PHF24: variants seen among roughly 807,000 people sequenced by gnomAD.
The protein encoded by PHF24 is Galpha inhibitory interacting protein.
PHF24 carries 25 observed loss-of-function variants against 42.6 expected under a neutral mutation model. The ratio of observed to expected loss-of-function variants is 0.59; its 90% CI spans 0.43 to 0.82. The LOEUF (loss-of-function observed/expected upper bound fraction) is 0.82, where lower values mean the gene tolerates loss of function less well. Ranked by LOEUF, PHF24 falls within the 40% of genes least tolerant of loss-of-function variation. The probability of loss-of-function intolerance (pLI) is 0.00; values close to 1 mark genes in which losing one functional copy is unlikely to be tolerated. For synonymous variants in PHF24, 185 were observed against 204.8 expected (o/e 0.90, Z 0.83); for missense variants, 470 against 538.1 (o/e 0.87, Z 1.25).
chr9:34,971,640 C>A (rs1826992286), exon 2 of PHF24: 1 of 1,613,392 alleles, frequency 6.2e-7, no homozygotes, highest in African/African-American at 1.3e-5. Flanking sequence ...TGGATGATGA[C>A]AAACCTCCAG....
At chr9:34,890,089 C>A in the PHF24 span, among the ~76,000 whole-genome samples, 8 of 152,292 alleles carry the variant, frequency 5.3e-5, no homozygotes, top group South Asian at 1.7e-3. Context: ...CAGATCCTTG[C>A]TAGTCTCTGC....
At chr9:34,679,697 G>A in the PHF24 span, among the ~76,000 whole-genome samples, 2 of 152,050 alleles carry the variant, frequency 1.3e-5, no homozygotes, top group African/African-American at 4.8e-5. Context: ...CCTGGTGACA[G>A]AGCGAGACGC....
the PHF24 span, among the ~76,000 whole-genome samples, chr9:34,937,925 G>A: frequency 0.025 from 3,844 of 152,128 alleles, 148 homozygotes; most frequent in African/African-American, 0.086. Flanking sequence ...ATTTTTATAG[G>A]GAATCTAACA....
the PHF24 span, among the ~76,000 whole-genome samples, chr9:34,801,899 G>A: frequency 0.023 from 3,416 of 151,066 alleles, 125 homozygotes; most frequent in African/African-American, 0.078. Flanking sequence ...ACAGACCGTG[G>A]GGCCTGTTGG....
At chr9:34,840,499 C>CCCTT in the PHF24 span, among the ~76,000 whole-genome samples, 2 of 151,036 alleles carry the variant, frequency 1.3e-5, no homozygotes, top group Non-Finnish European at 3.0e-5. Context: ...TCCCCTCCCT[C>CCCTT]CCTTCCTTCC....
chr9:34,780,255 A>G, the PHF24 span, among the ~76,000 whole-genome samples: 6 of 147,072 alleles, frequency 4.1e-5, no homozygotes, highest in Admixed American at 1.3e-4. Context: ...AGATTTGGCA[A>G]TGTTTTCTTT....
the PHF24 span, among the ~76,000 whole-genome samples, chr9:34,788,624 G>C: frequency 6.6e-6 from 1 of 152,146 alleles, no homozygotes; most frequent in Non-Finnish European, 1.5e-5. Context: ...CAACATCCAA[G>C]CACCCACACA....
the PHF24 span, among the ~76,000 whole-genome samples, chr9:34,751,176 C>A: frequency 6.6e-6 from 1 of 151,710 alleles, no homozygotes; most frequent in South Asian, 2.1e-4. Flanking sequence ...ACTAGCCTGG[C>A]CAACATGGTG....
At chr9:34,743,055 A>G in the PHF24 span, among the ~76,000 whole-genome samples, 1 of 152,240 alleles carries the variant, frequency 6.6e-6, no homozygotes, top group Non-Finnish European at 1.5e-5. Flanking sequence ...ACAACACTGT[A>G]GTTAAAAGCA....
At chr9:34,809,748 C>T in the PHF24 span, among the ~76,000 whole-genome samples, 1 of 152,204 alleles carries the variant, frequency 6.6e-6, no homozygotes, top group Admixed American at 6.5e-5. The surrounding 1 kb of genome is among the most constrained non-coding windows in gnomAD (Gnocchi z 4.1). Context: ...CGGGCGGACA[C>T]TGTTCTTGCT....
the PHF24 span, among the ~76,000 whole-genome samples, chr9:34,939,457 C>T: frequency 7.2e-5 from 11 of 152,216 alleles, no homozygotes; most frequent in African/African-American, 2.6e-4. Context: ...GAGAGATGCA[C>T]ACCTGACCCC....
the PHF24 span, among the ~76,000 whole-genome samples, chr9:34,847,745 G>A: frequency 2.0e-5 from 3 of 151,994 alleles, no homozygotes; most frequent in African/African-American, 4.8e-5. Flanking sequence ...GTTTGTCATA[G>A]ATAGCTCTTA....
the PHF24 span, among the ~76,000 whole-genome samples, chr9:34,673,872 C>G: frequency 6.6e-6 from 1 of 152,120 alleles, no homozygotes; most frequent in Non-Finnish European, 1.5e-5. Flanking sequence ...CTGCCTGCCT[C>G]GGCCTCCCAG....
chr9:34,818,337 T>C, the PHF24 span, among the ~76,000 whole-genome samples: 1 of 152,212 alleles, frequency 6.6e-6, no homozygotes, highest in Non-Finnish European at 1.5e-5. Flanking sequence ...CTTTATCATG[T>C]TGAGGAAGTT....
the PHF24 span, among the ~76,000 whole-genome samples, chr9:34,779,760 T>A: frequency 6.6e-6 from 1 of 152,188 alleles, no homozygotes; most frequent in African/African-American, 2.4e-5. Context: ...AGTTTCACTC[T>A]TGTCGCCCAG....
rs1188643306 is a variant in PHF24 at position 34,971,696 on chromosome 9, A to G, written c.378+20A>G. 1 of 1,581,204 alleles carries G rather than the reference A, an allele frequency of 6.3e-7. No individual in the cohort carries two copies. The highest frequency in any genetic ancestry group is 8.6e-7 in the Non-Finnish European group (1 of 1,160,614). On this transcript the variant is annotated intron_variant, in intron 2 of 7. Coordinates refer to ENST00000242315, the Ensembl canonical transcript of PHF24. ...GAGCCTGTGAGTATCCAGTTAGGAC[A>G]GGATCCTCAAGTCTTAGTGCATCAG...
the PHF24 span, chr9:34,838,329 G>A: frequency 1.3e-6 from 1 of 751,730 alleles, no homozygotes; most frequent in Non-Finnish European, 2.4e-6. Context: ...TAGTTCAGTT[G>A]GAATCATAGT....
At chr9:34,803,882 G>A in the PHF24 span, among the ~76,000 whole-genome samples, 3 of 152,100 alleles carry the variant, frequency 2.0e-5, no homozygotes, top group Non-Finnish European at 4.4e-5. Flanking sequence ...ATTCTCCTAA[G>A]CTTAAAAAAT....
the PHF24 span, among the ~76,000 whole-genome samples, chr9:34,705,238 G>T: frequency 2.0e-5 from 3 of 152,006 alleles, no homozygotes; most frequent in Non-Finnish European, 2.9e-5. Context: ...ACGTGTCTCA[G>T]CAGTAGGCTT....
Sources: gnomAD v4.1 joint callset for allele counts (sites outside exome capture counted in the v4.1 genomes callset) on GRCh38, gnomAD v4.1.1 for gene constraint, Gnocchi (gnomAD v3.1) non-coding constraint, MANE v1.5 for transcripts, NCBI Gene and HGNC (gene_info 2026-07-23, HGNC 2026-07-21) for gene names.